Variants in AGBL4 observed in about 807,000 individuals in gnomAD.
AGBL4 encodes cytosolic carboxypeptidase 6.
A neutral mutation model predicts 66.4 loss-of-function variants in AGBL4; 58 were observed. The observed-to-expected ratio is 0.87, with a 90% CI of 0.71 to 1.09. AGBL4 has a LOEUF of 1.09. Among genes scored for constraint, AGBL4 ranks in the 50% least tolerant of loss-of-function variants. The pLI, the probability that AGBL4 is intolerant of heterozygous loss-of-function variation, is 0.00. For missense variants in AGBL4, 579 were observed against 631.0 expected (o/e 0.92, Z 0.88); for synonymous variants, 234 against 222.9 (o/e 1.05, Z -0.44).
chr1:49,857,838 G>A (rs1251738944), intron 1 of AGBL4, among the ~76,000 whole-genome samples: 1 of 151,974 alleles, frequency 6.6e-6, no homozygotes, highest in Non-Finnish European at 1.5e-5. Context: ...CAAAAGCACA[G>A]GCAACAGAAA....
intron 11 of AGBL4, among the ~76,000 whole-genome samples, chr1:48,553,353 A>C (rs922126669): frequency 3.3e-5 from 5 of 152,178 alleles, no homozygotes; most frequent in Non-Finnish European, 7.3e-5. Flanking sequence ...CTGGATGCAC[A>C]GTTAAAAATG....
chr1:49,923,030 A>G (rs1277192793), intron 1 of AGBL4, among the ~76,000 whole-genome samples: 2 of 152,230 alleles, frequency 1.3e-5, no homozygotes, highest in African/African-American at 4.8e-5. Flanking sequence ...AAGCAAAAAC[A>G]ACAAAGCTGG....
chr1:49,212,738 T>C (rs773304277), intron 4 of AGBL4, among the ~76,000 whole-genome samples: 1 of 152,088 alleles, frequency 6.6e-6, no homozygotes, highest in Non-Finnish European at 1.5e-5. Flanking sequence ...GAGGTAACAA[T>C]TAAGTTATTT....
intron 3 of AGBL4, among the ~76,000 whole-genome samples, chr1:49,287,059 C>T (rs1644429051): frequency 1.3e-5 from 2 of 148,906 alleles, no homozygotes; most frequent in Admixed American, 6.7e-5. Context: ...AATAACGCCG[C>T]ATATCTACAA....
intron 5 of AGBL4, among the ~76,000 whole-genome samples, chr1:48,885,008 A>G (rs1650181167): frequency 6.6e-6 from 1 of 151,472 alleles, no homozygotes; most frequent in Non-Finnish European, 1.5e-5. Context: ...TAAAAAAGCA[A>G]CAGGGGAAAA....
At chr1:49,277,773 C>A (rs1273319947) in intron 3 of AGBL4, among the ~76,000 whole-genome samples, 1 of 151,380 alleles carries the variant, frequency 6.6e-6, no homozygotes, top group Non-Finnish European at 1.5e-5. Context: ...TTTTTCCCAG[C>A]CCAACTGTCC....
chr1:49,967,819 A>C (rs912084082), intron 1 of AGBL4, among the ~76,000 whole-genome samples: 1 of 152,198 alleles, frequency 6.6e-6, no homozygotes, highest in African/African-American at 2.4e-5. Flanking sequence ...GATTACTAAT[A>C]AGGCAGAGAA....
At chr1:48,891,185 T>C (rs1479074581) in intron 5 of AGBL4, among the ~76,000 whole-genome samples, 1 of 152,210 alleles carries the variant, frequency 6.6e-6, no homozygotes, top group East Asian at 1.9e-4. Context: ...AACAGGCAGA[T>C]ATCATTATTA....
intron 5 of AGBL4, among the ~76,000 whole-genome samples, chr1:49,042,791 T>G (rs1200269019): frequency 1.3e-5 from 2 of 152,334 alleles, no homozygotes. Context: ...ATTTTATATA[T>G]GTTATTTTGA....
At chr1:49,726,661 G>T (rs188208973) in intron 2 of AGBL4, among the ~76,000 whole-genome samples, 17 of 152,188 alleles carry the variant, frequency 1.1e-4, no homozygotes, top group Admixed American at 9.8e-4. Context: ...AAAACTGGCA[G>T]CTCTCAGAAA....
chr1:49,762,625 G>A (rs1244264190), intron 2 of AGBL4, among the ~76,000 whole-genome samples: 1 of 152,088 alleles, frequency 6.6e-6, no homozygotes, highest in Non-Finnish European at 1.5e-5. Flanking sequence ...TGTTGGCCAG[G>A]ATGGTCTCAA....
At chr1:49,946,092 C>T (rs898662021) in intron 1 of AGBL4, among the ~76,000 whole-genome samples, 7 of 151,776 alleles carry the variant, frequency 4.6e-5, no homozygotes, top group Admixed American at 4.6e-4. Context: ...ATGAGATAGA[C>T]AGCAACATAA....
intron 2 of AGBL4, among the ~76,000 whole-genome samples, chr1:49,775,958 A>C (rs1378450877): frequency 6.6e-6 from 1 of 152,136 alleles, no homozygotes; most frequent in Non-Finnish European, 1.5e-5. Context: ...GGAAGTATGC[A>C]TATATTGAGC....
intron 3 of AGBL4, among the ~76,000 whole-genome samples, chr1:49,443,729 A>G (rs1646090138): frequency 6.6e-6 from 1 of 150,848 alleles, no homozygotes; most frequent in African/African-American, 2.4e-5. Context: ...CATTTTGGAG[A>G]TCCTTTGTAT....
At chr1:49,804,896 A>G (rs552049983) in intron 2 of AGBL4, among the ~76,000 whole-genome samples, 119 of 152,340 alleles carry the variant, frequency 7.8e-4, no homozygotes, top group African/African-American at 2.7e-3. Flanking sequence ...TTTGAGGTTT[A>G]TAGCAACATT....
At chr1:48,545,574 C>A (rs1644145980) in intron 11 of AGBL4, among the ~76,000 whole-genome samples, 1 of 152,086 alleles carries the variant, frequency 6.6e-6, no homozygotes, top group African/African-American at 2.4e-5. Flanking sequence ...TGAAAACTCC[C>A]AACTATTCAT....
intron 8 of AGBL4, chr1:48,647,527 A>G (rs1365455029): frequency 2.7e-6 from 1 of 374,130 alleles, no homozygotes; most frequent in African/African-American, 2.1e-5. Flanking sequence ...CAGAAACATA[A>G]ATAAAACCAA....
intron 1 of AGBL4, among the ~76,000 whole-genome samples, chr1:50,013,550 G>A (rs1397348190): frequency 6.6e-6 from 1 of 152,162 alleles, no homozygotes; most frequent in East Asian, 1.9e-4. Flanking sequence ...ACAATTGTTA[G>A]TAAGCTGCAA....
chr1:49,309,135 G>A (rs1018538791), intron 3 of AGBL4, among the ~76,000 whole-genome samples: 2 of 152,256 alleles, frequency 1.3e-5, no homozygotes, highest in Admixed American at 1.3e-4. Context: ...TAGGAAATGA[G>A]TTGTGGTCTA....
Sources: gnomAD v4.1 joint callset for allele counts (sites outside exome capture counted in the v4.1 genomes callset) on GRCh38, gnomAD v4.1.1 for gene constraint, MANE v1.5 for transcripts, NCBI Gene and HGNC (gene_info 2026-07-23, HGNC 2026-07-21) for gene names.